Variants in ZP3 observed in about 807,000 individuals in gnomAD.
ZP3 encodes the protein zona pellucida glycoprotein 3.
Under a neutral mutation model 35.6 loss-of-function variants are expected in ZP3, and 21 were observed. The ratio of observed to expected loss-of-function variants is 0.59; its 90% CI spans 0.42 to 0.85. The LOEUF is 0.85. Among genes scored for constraint, ZP3 ranks in the 40% least tolerant of loss-of-function variants. The pLI, the probability that ZP3 is intolerant of heterozygous loss-of-function variation, is 0.00. For synonymous variants in ZP3, 207 were observed against 214.5 expected (o/e 0.96, Z 0.31); for missense variants, 437 against 536.5 (o/e 0.81, Z 1.83).
At chr7:76,440,017 T>A in intron 5 of ZP3, 1 of 496,090 alleles carries the variant, frequency 2.0e-6, no homozygotes, top group Non-Finnish European at 3.7e-6. Context: ...CCAGCTAACT[T>A]TGTATTTTTA....
chr7:76,425,207 G>A lies in ZP3; in HGVS notation c.243G>A (p.Leu81=). ...LTLGPEACEP[L]VSMDTEDVVR... ...TGGGCCCAGAGGCCTGTGAGCCTCT[G>A]GTCTCCATGGACACAGAAGATGTGG... Residue 81 remains leucine (L), a synonymous_variant, in exon 1 of 8, where the codon CTG becomes CTA. Transcript: ENST00000394857. The A allele has an allele frequency of 6.2e-7, 1 of 1,613,940 alleles. No individual in the cohort carries two copies. The highest frequency in any genetic ancestry group is 8.5e-7 in the Non-Finnish European group (1 of 1,180,012).
chr7:76,412,713 G>A (rs1389676064), intron 1 of ZP3, among the ~76,000 whole-genome samples: 3 of 151,976 alleles, frequency 2.0e-5, no homozygotes, highest in Non-Finnish European at 4.4e-5. Flanking sequence ...GCCAGGGGTG[G>A]TGGCGCATGC....
chr7:76,412,157 C>T (rs1199376756), intron 1 of ZP3, among the ~76,000 whole-genome samples: 2 of 145,564 alleles, frequency 1.4e-5, no homozygotes, highest in African/African-American at 5.2e-5. Flanking sequence ...CACTGCACTC[C>T]AGCCTGGGGG....
At chr7:76,429,777 G>T in intron 2 of ZP3, 144 bp downstream of exon 2, 1 of 733,832 alleles carries the variant, frequency 1.4e-6, no homozygotes, top group South Asian at 1.7e-5. Flanking sequence ...TTACTGTACT[G>T]CGTGGGATTG....
At chr7:76,418,028 C>T (rs990537280) in intron 1 of ZP3, among the ~76,000 whole-genome samples, 5 of 151,234 alleles carry the variant, frequency 3.3e-5, no homozygotes, top group African/African-American at 1.2e-4. Flanking sequence ...ATCTCCGCCT[C>T]CCGGGTTCAA....
chr7:76,416,949 T>C lies in ZP3; in HGVS notation c.-66-8103T>C, dbSNP rs867454921. Among the ~76,000 whole-genome samples the C allele has an allele frequency of 2.9e-3, 209 of 72,944 alleles. 1 individual carries two copies. Among genetic ancestry groups the C allele is most frequent in the Non-Finnish European group, 4.2e-3 (180 of 42,394 alleles). The allele number at this position is 72,944 out of a possible 152,430, so 47.9% of individuals were successfully genotyped here. On this transcript the variant is annotated intron_variant, in intron 1 of 8. Transcript: ENST00000336517. ...ACACATACATATGTATACATACATA[T>C]ATATATATATATATATATATATATA...
At chr7:76,432,858 T>A in intron 2 of ZP3, 69 bp from the exon 3 acceptor site, 3 of 1,337,508 alleles carry the variant, frequency 2.2e-6, no homozygotes, top group East Asian at 2.3e-5. Context: ...AGTGAGATAC[T>A]CCCCATCAGT....
chr7:76,398,771 T>G (rs1488489426), intron 1 of ZP3: 1 of 1,613,134 alleles, frequency 6.2e-7, no homozygotes, highest in African/African-American at 1.3e-5. Context: ...AACATCTTCC[T>G]TGTTGGGGGC....
chr7:76,409,854 G>C (rs1291013058), intron 1 of ZP3, among the ~76,000 whole-genome samples: 1 of 150,766 alleles, frequency 6.6e-6, no homozygotes. Flanking sequence ...CAAGCATCCT[G>C]ATCTTTGGAG....
chr7:76,404,769 C>T (rs1045927963), intron 1 of ZP3, among the ~76,000 whole-genome samples: 7 of 150,238 alleles, frequency 4.7e-5, no homozygotes, highest in African/African-American at 1.7e-4. Context: ...CTGTCTGTTA[C>T]CAAAAAATGC....
intron 2 of ZP3, among the ~76,000 whole-genome samples, chr7:76,431,148 A>G (rs1024164625): frequency 1.3e-5 from 2 of 152,310 alleles, no homozygotes; most frequent in Non-Finnish European, 2.9e-5. Flanking sequence ...GGCCTGACCC[A>G]TGGTTGCAGG....
chr7:76,431,374 T>G (rs1470373429), intron 2 of ZP3, among the ~76,000 whole-genome samples: 3 of 152,134 alleles, frequency 2.0e-5, no homozygotes, highest in African/African-American at 7.2e-5. Flanking sequence ...GTAGGTAGTA[T>G]TAGAGAGGCT....
At chr7:76,413,629 T>C (rs1049392416) in intron 1 of ZP3, among the ~76,000 whole-genome samples, 1 of 152,074 alleles carries the variant, frequency 6.6e-6, no homozygotes, top group Non-Finnish European at 1.5e-5. Context: ...AAAGCCTCAA[T>C]TGATTTACAA....
At chr7:76,437,999 T>C (rs1249650254) in intron 5 of ZP3, among the ~76,000 whole-genome samples, 1 of 152,230 alleles carries the variant, frequency 6.6e-6, no homozygotes, top group Non-Finnish European at 1.5e-5. Flanking sequence ...AACTGGCTTG[T>C]TTCTAAAAGT....
At chr7:76,400,694 G>T in intron 1 of ZP3, 1 of 1,275,336 alleles carries the variant, frequency 7.8e-7, no homozygotes, top group South Asian at 1.7e-5. Flanking sequence ...TTTTGGTAGA[G>T]ACGGGGTCTC....
chr7:76,404,303 T>C (rs1804927271), intron 1 of ZP3: 1 of 1,593,224 alleles, frequency 6.3e-7, no homozygotes, highest in African/African-American at 1.3e-5. Context: ...AGGGGAGGAC[T>C]CACCCAGTGG....
chr7:76,418,486 G>A (rs1805426716), intron 1 of ZP3, among the ~76,000 whole-genome samples: 1 of 149,782 alleles, frequency 6.7e-6, no homozygotes, highest in Non-Finnish European at 1.5e-5. Context: ...GAAAGGCGGA[G>A]GTTGCAGTGA....
intron 5 of ZP3, among the ~76,000 whole-genome samples, chr7:76,439,151 AC>A (rs1806118034): frequency 1.4e-5 from 2 of 144,748 alleles, no homozygotes; most frequent in African/African-American, 2.5e-5. Flanking sequence ...AAAAAAAAAA[AC>A]CTCTTAAGTC....
chr7:76,432,881 G>T, intron 2 of ZP3, 46 bp from the exon 3 acceptor site: 1 of 1,534,628 alleles, frequency 6.5e-7, no homozygotes, highest in Non-Finnish European at 9.0e-7. Context: ...GGGCCCAGGT[G>T]GGTGTGACCT....
Sources: gnomAD v4.1 joint callset for allele counts (sites outside exome capture counted in the v4.1 genomes callset) on GRCh38, gnomAD v4.1.1 for gene constraint, MANE v1.5 for transcripts, NCBI Gene and HGNC (gene_info 2026-07-23, HGNC 2026-07-21) for gene names.